ABCB5: variants seen among roughly 807,000 people sequenced by gnomAD.
ABCB5 encodes ATP binding cassette subfamily B member 5.
Under a neutral mutation model 144.2 loss-of-function variants are expected in ABCB5, and 155 were observed. The ratio of observed to expected loss-of-function variants is 1.08; its 90% CI spans 0.94 to 1.23. The LOEUF (loss-of-function observed/expected upper bound fraction) is 1.23. Ranked by LOEUF, ABCB5 falls within the 50% of genes most tolerant of loss-of-function variation. The probability of loss-of-function intolerance (pLI) is 0.00; values close to 1 mark genes in which losing one functional copy is unlikely to be tolerated. For missense variants in ABCB5, 1,830 were observed against 1,520.8 expected, an observed-to-expected ratio of 1.20 and a Z score of -3.38; for synonymous variants, 610 against 528.6, an observed-to-expected ratio of 1.15 and a Z score of -2.11.
chr7:20,721,727 CA>C (rs1781874735), intron 20 of ABCB5, among the ~76,000 whole-genome samples: 1 of 152,134 alleles, frequency 6.6e-6, no homozygotes, highest in Non-Finnish European at 1.5e-5. Flanking sequence ...AAAAAATATA[CA>C]AAAATCTCAT....
chr7:20,721,406 G>A (rs1268082563), intron 20 of ABCB5, among the ~76,000 whole-genome samples: 1 of 152,166 alleles, frequency 6.6e-6, no homozygotes, highest in Non-Finnish European at 1.5e-5. Flanking sequence ...AGGTAAAGAG[G>A]TTATTTAGTG....
At position 20,620,872 on chromosome 7, in the gene ABCB5, C is replaced by G. The variant is rs142577134; in HGVS notation, c.-21-2393C>G. ...GTTAAACATAGACTAACCGCTTGATCCAGCAATTCTACATCTAAGTATATA... is the reference window on the plus strand; with the variant it reads ...GTTAAACATAGACTAACCGCTTGATGCAGCAATTCTACATCTAAGTATATA... On this transcript the variant is annotated intron_variant, in intron 1 of 27. Coordinates refer to ENST00000404938, the MANE Select transcript of ABCB5 (RefSeq NM_001163941.2). 5.3e-5 allele frequency among the ~76,000 whole-genome samples: 8 copies of G among 152,172 alleles called. 1 individual carries two copies. In the East Asian group the frequency reaches 9.6e-4, roughly 18 times the overall value.
intron 16 of ABCB5, among the ~76,000 whole-genome samples, chr7:20,695,182 A>C (rs1786366122): frequency 6.6e-6 from 1 of 152,012 alleles, no homozygotes; most frequent in African/African-American, 2.4e-5. Context: ...TACCTATAGA[A>C]CTATAGTAAT....
intron 1 of ABCB5, among the ~76,000 whole-genome samples, chr7:20,621,292 G>A (rs1288976359): frequency 6.6e-6 from 1 of 152,078 alleles, no homozygotes; most frequent in Non-Finnish European, 1.5e-5. Context: ...TGATGAAAAA[G>A]TTCTGAAGAT....
chr7:20,658,534 G>A lies in ABCB5; in HGVS notation c.1565G>A (p.Gly522Glu). The change falls in exon 14 of 28, where the codon GGA becomes GAA. Residue 522 changes from glycine (G) to glutamate (E), a missense_variant. Physicochemically the swap from Gly to Glu is moderately conservative, Grantham distance 98. Transcript: ENST00000404938. Reference sequence around the variant, plus strand: ...TTTAATACATTGGTAGGGGAAAAAGGAGCTCAAATGAGTGGAGGGCAGAAA... The same window carrying A: ...TTTAATACATTGGTAGGGGAAAAAGAAGCTCAAATGAGTGGAGGGCAGAAA... ...NKFNTLVGEK[G>E]AQMSGGQKQR... The A allele has an allele frequency of 6.2e-7, 1 of 1,614,016 alleles. No homozygotes were observed. The highest frequency in any genetic ancestry group is 8.5e-7 in the Non-Finnish European group (1 of 1,179,994).
intron 14 of ABCB5, among the ~76,000 whole-genome samples, chr7:20,668,867 CCCAG>C (rs1785339449): frequency 8.1e-6 from 1 of 123,194 alleles, no homozygotes; most frequent in African/African-American, 3.5e-5. Flanking sequence ...CAGCCCCCCG[CCCAG>C]CCGGCCGCCC....
At chr7:20,628,920 G>C in intron 4 of ABCB5, 82 bp downstream of exon 4, 1 of 1,450,750 alleles carries the variant, frequency 6.9e-7, no homozygotes, top group Non-Finnish European at 9.5e-7. Context: ...TAGCAAGGCA[G>C]ATTATTGTAT....
At chr7:20,731,035 C>A (rs1365070704) in intron 23 of ABCB5, among the ~76,000 whole-genome samples, 1 of 150,688 alleles carries the variant, frequency 6.6e-6, no homozygotes, top group Non-Finnish European at 1.5e-5. Context: ...ACTACTCTTT[C>A]TTTGCTTTGT....
intron 7 of ABCB5, 135 bp from the exon 8 acceptor site, chr7:20,645,621 T>C (rs544948468): frequency 2.6e-6 from 3 of 1,138,650 alleles, no homozygotes; most frequent in East Asian, 2.5e-5. Context: ...TGAAGACAAA[T>C]TTTTAAAAAT....
In ABCB5 at chr7:20,704,752, A is replaced by G. The variant is rs2128044521; in HGVS notation, c.2366A>G (p.Asn789Ser). 6.2e-7 allele frequency: 1 copy of G among 1,613,884 alleles called. No individual in the cohort carries two copies. Among genetic ancestry groups the G allele is most frequent in the East Asian group, 2.2e-5 (1 of 44,840 alleles). The change falls in exon 20 of 28, where the codon AAC (asparagine) becomes AGC (serine). Residue 789 changes from asparagine to serine, a missense_variant. Transcript: ENST00000404938. ...QDIAWFDEKE[N>S]STGGLTTILA... ...ATTGCCTGGTTTGATGAAAAGGAAA[A>G]CAGCACAGGAGGCTTGACAACAATA...
chr7:20,704,633 G>A (rs1786755969), intron 19 of ABCB5, 91 bp from the exon 20 acceptor site: 3 of 920,322 alleles, frequency 3.3e-6, no homozygotes, highest in South Asian at 1.5e-5. Flanking sequence ...GAGGAGGCAG[G>A]TAAATGTTTT....
At chr7:20,640,359 T>C (rs1784268915) in intron 5 of ABCB5, among the ~76,000 whole-genome samples, 6 of 152,322 alleles carry the variant, frequency 3.9e-5, no homozygotes, top group Admixed American at 3.3e-4. Flanking sequence ...GTGTGCTTTT[T>C]TTTAAAGACA....
chr7:20,680,054 G>A (rs139574815), intron 14 of ABCB5, among the ~76,000 whole-genome samples: 6 of 152,246 alleles, frequency 3.9e-5, no homozygotes, highest in Non-Finnish European at 7.3e-5. Context: ...GTATAGTCAC[G>A]CAATAGAATA....
At chr7:20,616,251 G>A (rs1175598926) in intron 1 of ABCB5, among the ~76,000 whole-genome samples, 1 of 152,134 alleles carries the variant, frequency 6.6e-6, no homozygotes, top group Admixed American at 6.6e-5. Flanking sequence ...GGACAGGCTG[G>A]TCTCGAACTC....
At chr7:20,734,956 C>G (rs560608895) in intron 23 of ABCB5, among the ~76,000 whole-genome samples, 1 of 152,146 alleles carries the variant, frequency 6.6e-6, no homozygotes, top group Non-Finnish European at 1.5e-5. Flanking sequence ...TTGTGTTAGT[C>G]CCTTTCGGCT....
At chr7:20,743,407 A>G (rs1397614000) in intron 25 of ABCB5, among the ~76,000 whole-genome samples, 1 of 152,076 alleles carries the variant, frequency 6.6e-6, no homozygotes, top group Non-Finnish European at 1.5e-5. Flanking sequence ...GTTGTGGTTT[A>G]AGACAGAGAG....
chr7:20,632,724 A>G (rs574439736), intron 5 of ABCB5, among the ~76,000 whole-genome samples: 4 of 152,146 alleles, frequency 2.6e-5, no homozygotes, highest in Non-Finnish European at 5.9e-5. Context: ...ACATGGATGA[A>G]ATTGGAAATC....
chr7:20,745,453 G>A lies in ABCB5; in HGVS notation c.3429+15G>A. ...GTCTCCCTGAGGTAAGAAAATTTCT[G>A]AAATCTTGAATTATAAAGCTGCCAA... On this transcript the variant is annotated intron_variant, in intron 26 of 27. Transcript: ENST00000404938. 2.5e-6 allele frequency: 4 copies of A among 1,613,320 alleles called. No individual in the cohort carries two copies. Among genetic ancestry groups the A allele is most frequent in the South Asian group, 1.1e-5 (1 of 91,028 alleles).
intron 24 of ABCB5, among the ~76,000 whole-genome samples, chr7:20,742,126 C>T (rs947987003): frequency 6.6e-6 from 1 of 152,174 alleles, no homozygotes; most frequent in Non-Finnish European, 1.5e-5. Flanking sequence ...GTAATCCCAG[C>T]ACTTCGGGAG....
Sources: gnomAD v4.1 joint callset for allele counts (sites outside exome capture counted in the v4.1 genomes callset) on GRCh38, gnomAD v4.1.1 for gene constraint, MANE v1.5 for transcripts, NCBI Gene and HGNC (gene_info 2026-07-23, HGNC 2026-07-21) for gene names.